ARK2C: variants seen among roughly 807,000 people sequenced by gnomAD.
The protein encoded by ARK2C is E3 ubiquitin-protein ligase ARK2C.
At chr18:46,452,799 G>C in the ARK2C span, among the ~76,000 whole-genome samples, 1 of 152,066 alleles carries the variant, frequency 6.6e-6, no homozygotes, top group East Asian at 1.9e-4. Context: ...TGCATTGGTC[G>C]AGAGCACTCT....
the ARK2C span, among the ~76,000 whole-genome samples, chr18:46,392,472 C>T: frequency 2.0e-5 from 3 of 152,332 alleles, no homozygotes; most frequent in Non-Finnish European, 4.4e-5. Context: ...ACAAGAACTC[C>T]GTATTTTATT....
chr18:46,438,770 C>T, the ARK2C span, among the ~76,000 whole-genome samples: 1 of 152,202 alleles, frequency 6.6e-6, no homozygotes, highest in African/African-American at 2.4e-5. Flanking sequence ...AGTTCATTTC[C>T]CAAGTGACAG....
the ARK2C span, among the ~76,000 whole-genome samples, chr18:46,411,539 T>C: frequency 6.6e-6 from 1 of 152,254 alleles, no homozygotes; most frequent in African/African-American, 2.4e-5. Flanking sequence ...GTTCCTACTA[T>C]GTGCCAGCAG....
At chr18:46,448,038 C>G in the ARK2C span, among the ~76,000 whole-genome samples, 1 of 151,184 alleles carries the variant, frequency 6.6e-6, no homozygotes, top group Non-Finnish European at 1.5e-5. Flanking sequence ...GACCTAGCTC[C>G]CCTGTGTTCT....
the ARK2C span, among the ~76,000 whole-genome samples, chr18:46,358,911 C>T: frequency 6.6e-6 from 1 of 152,186 alleles, no homozygotes; most frequent in Non-Finnish European, 1.5e-5. Flanking sequence ...GAGAGACTCT[C>T]TCAGTCACAC....
At chr18:46,371,314 CCCCTGGCCAACGAGATGG>C in the ARK2C span, among the ~76,000 whole-genome samples, 1 of 152,070 alleles carries the variant, frequency 6.6e-6, no homozygotes, top group Non-Finnish European at 1.5e-5. Context: ...GCCTAGCATT[CCCCTGGCCAACGAGATGG>C]CCCACTGCAA....
the ARK2C span, among the ~76,000 whole-genome samples, chr18:46,375,140 A>G: frequency 6.6e-6 from 1 of 150,966 alleles, no homozygotes; most frequent in Admixed American, 6.6e-5. Context: ...CACCCTCCCA[A>G]CTCCCCCCGC....
the ARK2C span, among the ~76,000 whole-genome samples, chr18:46,354,926 G>A: frequency 1.3e-5 from 2 of 152,038 alleles, no homozygotes; most frequent in Non-Finnish European, 1.5e-5. Flanking sequence ...TTTCACCATA[G>A]ACACACTCCT....
the ARK2C span, among the ~76,000 whole-genome samples, chr18:46,344,820 T>A: frequency 3.3e-5 from 5 of 152,172 alleles, no homozygotes; most frequent in Non-Finnish European, 7.4e-5. Flanking sequence ...GTCCCCAACC[T>A]CTGTGCTGAG....
chr18:46,353,885 G>A, the ARK2C span, among the ~76,000 whole-genome samples: 1 of 152,184 alleles, frequency 6.6e-6, no homozygotes, highest in African/African-American at 2.4e-5. Context: ...TGGGCCCTAG[G>A]TCACTCTGCC....
the ARK2C span, among the ~76,000 whole-genome samples, chr18:46,356,211 C>T: frequency 3.5e-4 from 54 of 152,290 alleles, no homozygotes; most frequent in African/African-American, 1.2e-3. Flanking sequence ...AATGTCAATC[C>T]GTGACCAGCC....
At chr18:46,389,438 A>G in the ARK2C span, among the ~76,000 whole-genome samples, 1 of 152,172 alleles carries the variant, frequency 6.6e-6, no homozygotes, top group Non-Finnish European at 1.5e-5. Flanking sequence ...ATCTGGTTCA[A>G]TCCCTTCATT....
chr18:46,404,708 G>A, the ARK2C span, among the ~76,000 whole-genome samples: 6 of 151,986 alleles, frequency 3.9e-5, no homozygotes, highest in South Asian at 2.1e-4. Flanking sequence ...AGCCGAGACC[G>A]CGCCGCCACA....
the ARK2C span, among the ~76,000 whole-genome samples, chr18:46,341,171 G>A: frequency 1.3e-5 from 2 of 149,124 alleles, no homozygotes; most frequent in African/African-American, 5.0e-5. Flanking sequence ...GAAAAGGCTT[G>A]AAGAGGTTTT....
chr18:46,439,933 C>A, the ARK2C span, among the ~76,000 whole-genome samples: 1 of 152,156 alleles, frequency 6.6e-6, no homozygotes, highest in Non-Finnish European at 1.5e-5. Flanking sequence ...CAGGTTCAAG[C>A]GATTCTCCTG....
the ARK2C span, chr18:46,461,578 G>C: frequency 6.6e-6 from 1 of 150,420 alleles, no homozygotes; most frequent in African/African-American, 2.5e-5. Flanking sequence ...CCAGGAGACG[G>C]AGGTTGCAGT....
chr18:46,361,586 T>G, the ARK2C span, among the ~76,000 whole-genome samples: 1 of 152,244 alleles, frequency 6.6e-6, no homozygotes, highest in South Asian at 2.1e-4. Flanking sequence ...CTTATTCCAT[T>G]TGGTCCTCTT....
chr18:46,360,067 G>A, the ARK2C span, among the ~76,000 whole-genome samples: 1 of 152,186 alleles, frequency 6.6e-6, no homozygotes, highest in African/African-American at 2.4e-5. Flanking sequence ...TGTTTCAGTT[G>A]ATGAGGAGCA....
the ARK2C span, chr18:46,337,062 CCGG>C: frequency 1.3e-5 from 13 of 985,210 alleles, no homozygotes; most frequent in Non-Finnish European, 1.4e-5. Flanking sequence ...CCTTTAACAG[CCGG>C]CTCCCTTCTG....
Sources: allele counts gnomAD v4.1 joint callset (sites outside exome capture counted in the v4.1 genomes callset), GRCh38; gene constraint gnomAD v4.1.1; transcripts MANE v1.5; gene names NCBI Gene and HGNC (gene_info 2026-07-23, HGNC 2026-07-21).